The following GALNT17 variants were observed in gnomAD, a reference collection of about 807,000 sequenced individuals.
The protein encoded by GALNT17 is UDP-GalNAc:polypeptide N-acetylgalactosaminyltransferase-like 3.
GALNT17 carries 29 observed loss-of-function variants against 63.7 expected under a neutral mutation model. The observed-to-expected ratio is 0.46, with a 90% CI of 0.34 to 0.62. The LOEUF (loss-of-function observed/expected upper bound fraction) is 0.62, where lower values mean the gene tolerates loss of function less well. Among genes scored for constraint, GALNT17 ranks in the 20% least tolerant of loss-of-function variants. GALNT17 has a pLI of 0.01. For missense variants in GALNT17, 603 were observed against 799.6 expected, an observed-to-expected ratio of 0.75 and a Z score of 2.97; for synonymous variants, 305 against 318.3, an observed-to-expected ratio of 0.96 and a Z score of 0.45.
chr7:71,330,508 C>T (rs1320075563), intron 1 of GALNT17, among the ~76,000 whole-genome samples: 2 of 152,208 alleles, frequency 1.3e-5, no homozygotes, highest in Non-Finnish European at 2.9e-5. Flanking sequence ...AGCAATCCTA[C>T]CTCCTCAGCC....
At chr7:71,558,318 T>G (rs534754978) in intron 5 of GALNT17, among the ~76,000 whole-genome samples, 4 of 146,980 alleles carry the variant, frequency 2.7e-5, no homozygotes, top group South Asian at 2.1e-4. Flanking sequence ...TGAGTCTAGG[T>G]TTTTTTTTTG....
At chr7:71,203,329 C>T (rs1325065349) in intron 1 of GALNT17, among the ~76,000 whole-genome samples, 2 of 152,182 alleles carry the variant, frequency 1.3e-5, no homozygotes, top group African/African-American at 4.8e-5. Flanking sequence ...TTGAAAACAG[C>T]CATTCTAATG....
intron 1 of GALNT17, among the ~76,000 whole-genome samples, chr7:71,291,146 T>C (rs369956162): frequency 2.0e-5 from 3 of 152,348 alleles, no homozygotes; most frequent in East Asian, 3.9e-4. Context: ...AATAAATTAA[T>C]GTATCCATCC....
At chr7:71,701,810 TATATACAC>T (rs1221633406) in intron 9 of GALNT17, among the ~76,000 whole-genome samples, 725 of 11,214 alleles carry the variant, frequency 0.065, 15 homozygotes, top group East Asian at 0.33. Context: ...TGTGTATATA[TATATACAC>T]ATATATATAC....
chr7:71,571,220 G>A (rs1226573842), intron 5 of GALNT17, 65 bp from the exon 6 acceptor site: 1 of 1,382,656 alleles, frequency 7.2e-7, no homozygotes, highest in African/African-American at 1.4e-5. Flanking sequence ...TACTAGGACG[G>A]TGCCTATGGA....
rs180758149 is a variant in GALNT17 at position 71,600,705 on chromosome 7, G to A, written c.1080+29303G>A. Among the ~76,000 whole-genome samples, 4 of 152,198 alleles carry A rather than the reference G, an allele frequency of 2.6e-5. No homozygotes were observed. The East Asian group carries it at 7.7e-4, about 29-fold the overall frequency. On this transcript the variant is annotated intron_variant, in intron 6 of 10. Transcript: ENST00000333538. ...ATGGGACCTAAAGGAGCTGATTAGA[G>A]GGGTTTGTACCTTGGAGAGTAATTT... is the stretch of plus-strand genomic sequence containing the variant.
At chr7:71,197,315 A>T (rs1202653) in intron 1 of GALNT17, among the ~76,000 whole-genome samples, 50,534 of 146,284 alleles carry the variant, frequency 0.35, 10,165 homozygotes, top group African/African-American at 0.57. Flanking sequence ...TTCGCCTGCC[A>T]CAGCCTCCTG....
chr7:71,613,085 G>A (rs951749584), intron 6 of GALNT17, among the ~76,000 whole-genome samples: 1 of 152,122 alleles, frequency 6.6e-6, no homozygotes, highest in African/African-American at 2.4e-5. Context: ...CTGGTTGTTG[G>A]TTCCAATTAA....
At chr7:71,173,941 G>A (rs184870983) in intron 1 of GALNT17, among the ~76,000 whole-genome samples, 2 of 152,272 alleles carry the variant, frequency 1.3e-5, no homozygotes, top group East Asian at 3.9e-4. Context: ...ATATATGAGT[G>A]CACTGAATGG....
intron 4 of GALNT17, among the ~76,000 whole-genome samples, chr7:71,418,852 C>G (rs1054585012): frequency 3.3e-5 from 5 of 152,170 alleles, no homozygotes; most frequent in African/African-American, 1.2e-4. Context: ...CCTCTCAGCA[C>G]TTTGGGAGGC....
chr7:71,427,313 G>A (rs1009626605), intron 5 of GALNT17, among the ~76,000 whole-genome samples: 2 of 151,678 alleles, frequency 1.3e-5, no homozygotes, highest in Non-Finnish European at 2.9e-5. Flanking sequence ...AACCAGGTTG[G>A]TCTCAATCTC....
intron 1 of GALNT17, among the ~76,000 whole-genome samples, chr7:71,205,220 C>T (rs1333133695): frequency 3.8e-5 from 5 of 132,840 alleles, no homozygotes; most frequent in Non-Finnish European, 7.7e-5. Context: ...GTGGCGTGAT[C>T]TTTGCTCATT....
chr7:71,591,079 C>T (rs1446604958), intron 6 of GALNT17, among the ~76,000 whole-genome samples: 1 of 150,318 alleles, frequency 6.7e-6, no homozygotes, highest in East Asian at 2.0e-4. Context: ...GGTTTTGAGA[C>T]GGAGTCTCGC....
At chr7:71,175,340 A>G (rs940848204) in intron 1 of GALNT17, among the ~76,000 whole-genome samples, 2 of 151,832 alleles carry the variant, frequency 1.3e-5, no homozygotes, top group Non-Finnish European at 2.9e-5. Context: ...TCATTTATCT[A>G]TTTGTCTGTC....
chr7:71,246,261 A>T (rs1226347930), intron 1 of GALNT17, among the ~76,000 whole-genome samples: 1 of 150,738 alleles, frequency 6.6e-6, no homozygotes, highest in Non-Finnish European at 1.5e-5. Flanking sequence ...AGCTGGGATT[A>T]CAGGCACCCA....
At chr7:71,643,329 G>C (rs149929751) in intron 6 of GALNT17, among the ~76,000 whole-genome samples, 1 of 151,950 alleles carries the variant, frequency 6.6e-6, no homozygotes, top group Non-Finnish European at 1.5e-5. Flanking sequence ...TTAGGTGGGC[G>C]TGGTGGCGTG....
chr7:71,677,110 C>A, intron 8 of GALNT17, 101 bp from the exon 9 acceptor site: 1 of 1,158,570 alleles, frequency 8.6e-7, no homozygotes, highest in Non-Finnish European at 1.3e-6. Context: ...GTGTTGTCTT[C>A]CCATCATGAA....
At chr7:71,596,313 C>T (rs1789886358) in intron 6 of GALNT17, among the ~76,000 whole-genome samples, 1 of 152,106 alleles carries the variant, frequency 6.6e-6, no homozygotes, top group African/African-American at 2.4e-5. Context: ...GCTGGGATTA[C>T]AGGCGTGAGC....
rs112938450 is a variant in GALNT17, at chr7:71,459,001, C to T, written c.962+37896C>T. The stretch of plus-strand genomic sequence containing the variant: ...GAGGGTGGGGCCTTTGCTGGGGAAC[C>T]GCCCTCTTCTACCCAGTATTTTCCT... On this transcript the variant is annotated intron_variant, in intron 5 of 10. Transcript: ENST00000333538. Among the ~76,000 whole-genome samples, 813 of 152,098 alleles carry T rather than the reference C, an allele frequency of 5.3e-3. 8 individuals carry two copies. The highest frequency in any genetic ancestry group is 0.019 in the African/African-American group (774 of 41,466).
Sources: gnomAD v4.1 joint callset for allele counts (sites outside exome capture counted in the v4.1 genomes callset) on GRCh38, gnomAD v4.1.1 for gene constraint, MANE v1.5 for transcripts, NCBI Gene and HGNC (gene_info 2026-07-23, HGNC 2026-07-21) for gene names.